Variants in NRG2 observed in about 807,000 individuals in gnomAD.
NRG2 encodes neuregulin 2.
In NRG2, 27 loss-of-function variants were observed where a neutral mutation model predicts 73.9. That is an observed-to-expected ratio of 0.37 (90% confidence interval 0.27 to 0.50). The LOEUF is 0.50. Ranked by LOEUF, NRG2 falls within the 20% of genes least tolerant of loss-of-function variation. The pLI, the probability that NRG2 is intolerant of heterozygous loss-of-function variation, is 0.96. For missense variants in NRG2, 1,126 were observed against 1,210.1 expected, an observed-to-expected ratio of 0.93 and a Z score of 1.03; for synonymous variants, 532 against 541.0, an observed-to-expected ratio of 0.98 and a Z score of 0.23.
intron 1 of NRG2, among the ~76,000 whole-genome samples, chr5:139,920,184 A>G (rs778809494): frequency 9.2e-5 from 14 of 152,270 alleles, no homozygotes; most frequent in Non-Finnish European, 1.9e-4. Flanking sequence ...ATGTGAAGGC[A>G]TATAGGCCAA....
At position 139,852,342 on chromosome 5, in the gene NRG2, G is replaced by A. The variant is rs1761494153; in HGVS notation, c.1544+90C>T. ...TGTGGCAAGCTCAGGGGAGGGTATT[G>A]AATAGCTCTGGATGTCGGAGTAAGT... is the stretch of plus-strand genomic sequence containing the variant. On this transcript the variant is annotated intron_variant, in intron 8 of 9. Coordinates refer to ENST00000361474, the MANE Select transcript of NRG2 (RefSeq NM_004883.3). The surrounding 1 kb of genome is among the most constrained non-coding windows in gnomAD (Gnocchi z 4.4). 6.6e-6 allele frequency: 10 copies of A among 1,512,602 alleles called. No homozygotes were observed. Among genetic ancestry groups the A allele is most frequent in the African/African-American group, 1.4e-5 (1 of 72,504 alleles). The allele number at this position is 1,512,602 out of a possible 1,614,324, so 93.7% of individuals were successfully genotyped here.
intron 1 of NRG2, among the ~76,000 whole-genome samples, chr5:139,930,467 C>T (rs891681415): frequency 6.6e-6 from 1 of 152,238 alleles, no homozygotes; most frequent in Admixed American, 6.5e-5. Flanking sequence ...GAGGACCACA[C>T]TCCTCCACGC....
At chr5:139,896,055 C>T (rs559440309) in intron 1 of NRG2, among the ~76,000 whole-genome samples, 4 of 152,270 alleles carry the variant, frequency 2.6e-5, no homozygotes, top group African/African-American at 9.6e-5. Flanking sequence ...GTTTCTGAAG[C>T]TCTGAGTCTT....
At chr5:139,974,090 C>T (rs1756193882) in intron 1 of NRG2, among the ~76,000 whole-genome samples, 1 of 152,152 alleles carries the variant, frequency 6.6e-6, no homozygotes, top group South Asian at 2.1e-4. Context: ...GAGCCACTTA[C>T]AATTCCTACA....
intron 1 of NRG2, among the ~76,000 whole-genome samples, chr5:139,919,201 C>T (rs377729874): frequency 2.6e-5 from 4 of 152,034 alleles, no homozygotes; most frequent in East Asian, 1.9e-4. Flanking sequence ...AGTATGGGAT[C>T]GCTAACCCAC....
chr5:139,897,369 T>C (rs1219897093), intron 1 of NRG2, among the ~76,000 whole-genome samples: 1 of 152,232 alleles, frequency 6.6e-6, no homozygotes, highest in Non-Finnish European at 1.5e-5. Flanking sequence ...GATAGCTTAA[T>C]AACCGGCAGC....
At chr5:139,863,463 T>C (rs1039146374) in intron 5 of NRG2, among the ~76,000 whole-genome samples, 1 of 152,246 alleles carries the variant, frequency 6.6e-6, no homozygotes, top group Non-Finnish European at 1.5e-5. Context: ...CCTGCTGACC[T>C]TCCTAGCAGA....
intron 1 of NRG2, among the ~76,000 whole-genome samples, chr5:139,978,703 CACTATTCACAATATTGTGAG>C (rs1244487435): frequency 1.3e-5 from 2 of 152,076 alleles, no homozygotes; most frequent in African/African-American, 4.8e-5. Context: ...TTTATTGTGG[CACTATTCACAATATTGTGAG>C]ACTCTTTTTA....
At chr5:139,918,556 G>A (rs1382131633) in intron 1 of NRG2, among the ~76,000 whole-genome samples, 1 of 152,170 alleles carries the variant, frequency 6.6e-6, no homozygotes. Context: ...GAAACTGAGG[G>A]TCCAAGATGT....
intron 9 of NRG2, among the ~76,000 whole-genome samples, chr5:139,849,062 G>T (rs1471163586): frequency 6.6e-6 from 1 of 152,102 alleles, no homozygotes; most frequent in Non-Finnish European, 1.5e-5. Context: ...TCACGCTGGG[G>T]TACATGTTCC....
At chr5:139,913,709 C>A (rs1751030245) in intron 1 of NRG2, among the ~76,000 whole-genome samples, 5 of 152,234 alleles carry the variant, frequency 3.3e-5, no homozygotes, top group Admixed American at 3.3e-4. Context: ...ATACAAAGAC[C>A]CTGTCCTCAA....
chr5:140,002,260 A>G, intron 1 of NRG2, among the ~76,000 whole-genome samples: 1 of 152,214 alleles, frequency 6.6e-6, no homozygotes, highest in East Asian at 1.9e-4. Flanking sequence ...GTCCTCTTGA[A>G]GTCTCCAATT....
chr5:139,934,812 C>T (rs1427821756), intron 1 of NRG2, among the ~76,000 whole-genome samples: 6 of 152,194 alleles, frequency 3.9e-5, no homozygotes, highest in Admixed American at 2.6e-4. Context: ...CAGAGCAAAT[C>T]TTACCAGGGA....
At chr5:140,038,968 C>T (rs369412408) in intron 1 of NRG2, among the ~76,000 whole-genome samples, 1 of 152,178 alleles carries the variant, frequency 6.6e-6, no homozygotes, top group African/African-American at 2.4e-5. Flanking sequence ...AATATGTAGT[C>T]GCTTTTGCTA....
intron 1 of NRG2, among the ~76,000 whole-genome samples, chr5:139,936,069 T>C (rs1207485015): frequency 1.3e-5 from 2 of 151,708 alleles, no homozygotes; most frequent in Admixed American, 6.6e-5. Flanking sequence ...TAAACTCTTA[T>C]ATGAGAAAAG....
At chr5:139,948,170 T>C (rs1158542340) in intron 1 of NRG2, among the ~76,000 whole-genome samples, 2 of 152,164 alleles carry the variant, frequency 1.3e-5, no homozygotes, top group Non-Finnish European at 2.9e-5. Flanking sequence ...TAATGTGGCA[T>C]TTGTCTTTTT....
chr5:139,923,170 C>T (rs1002589405), intron 1 of NRG2, among the ~76,000 whole-genome samples: 5 of 151,884 alleles, frequency 3.3e-5, no homozygotes, highest in South Asian at 2.1e-4. Context: ...CGGGGAATGT[C>T]GATAGTGGGT....
chr5:139,872,082 A>C (rs1271374262), intron 3 of NRG2, among the ~76,000 whole-genome samples: 6 of 152,248 alleles, frequency 3.9e-5, no homozygotes, highest in Non-Finnish European at 7.3e-5. Context: ...TCCAAAGGCC[A>C]GGAAGATTTT....
At chr5:139,960,819 C>T (rs1755002332) in intron 1 of NRG2, among the ~76,000 whole-genome samples, 1 of 152,152 alleles carries the variant, frequency 6.6e-6, no homozygotes, top group Admixed American at 6.5e-5. Context: ...AACATCAGTT[C>T]AAGGGGACAA....
Sources: gnomAD v4.1 joint callset for allele counts (sites outside exome capture counted in the v4.1 genomes callset) on GRCh38, gnomAD v4.1.1 for gene constraint, Gnocchi (gnomAD v3.1) non-coding constraint, MANE v1.5 for transcripts, NCBI Gene and HGNC (gene_info 2026-07-23, HGNC 2026-07-21) for gene names.